The following ADAMTSL1 variants were observed in gnomAD, a reference collection of about 807,000 sequenced individuals.
ADAMTSL1 encodes the protein ADAMTS-like protein 1.
A neutral mutation model predicts 201.8 loss-of-function variants in ADAMTSL1; 126 were observed. That is an observed-to-expected ratio of 0.62 (90% CI 0.54 to 0.72). The LOEUF is 0.72. Among genes scored for constraint, ADAMTSL1 ranks in the 30% least tolerant of loss-of-function variants. The pLI, the probability that ADAMTSL1 is intolerant of heterozygous loss-of-function variation, is 0.00. For missense variants in ADAMTSL1, 2,679 were observed against 2,277.8 expected (o/e 1.18, Z -3.59); for synonymous variants, 1,121 against 903.4 (o/e 1.24, Z -4.32).
upstream of ADAMTSL1, among the ~76,000 whole-genome samples, chr9:18,473,262 T>C (rs1482159714): frequency 6.6e-6 from 1 of 152,192 alleles, no homozygotes; most frequent in Non-Finnish European, 1.5e-5. Context: ...AATTCATCCT[T>C]TCTTTCTCTC....
At chr9:17,976,520 T>A (rs181879027) in intron 1 of ADAMTSL1, among the ~76,000 whole-genome samples, 1 of 152,232 alleles carries the variant, frequency 6.6e-6, no homozygotes. Flanking sequence ...AAAACAATTT[T>A]TTTTTATTCT....
intron 19 of ADAMTSL1, among the ~76,000 whole-genome samples, chr9:18,784,089 A>C (rs757512940): frequency 3.9e-5 from 6 of 152,218 alleles, no homozygotes; most frequent in Non-Finnish European, 7.3e-5. Flanking sequence ...GCTCTTCAGC[A>C]GTACACAAAT....
intron 1 of ADAMTSL1, among the ~76,000 whole-genome samples, chr9:17,964,508 C>G (rs1218280759): frequency 6.6e-6 from 1 of 152,144 alleles, no homozygotes; most frequent in Non-Finnish European, 1.5e-5. Context: ...CAAAACTCTT[C>G]TGTGTCTCGA....
At chr9:18,308,610 C>T (rs899023133) in intron 2 of ADAMTSL1, among the ~76,000 whole-genome samples, 1 of 149,270 alleles carries the variant, frequency 6.7e-6, no homozygotes, top group Non-Finnish European at 1.5e-5. Context: ...CATTCCTGGA[C>T]ACACACCTTC....
intron 3 of ADAMTSL1, among the ~76,000 whole-genome samples, chr9:18,538,691 C>T (rs1393607405): frequency 3.3e-5 from 5 of 152,258 alleles, no homozygotes; most frequent in African/African-American, 4.8e-5. Context: ...TGGTGATTCT[C>T]GTTGAGGTTG....
intron 1 of ADAMTSL1, among the ~76,000 whole-genome samples, chr9:18,138,425 C>T (rs1328002508): frequency 3.3e-5 from 5 of 152,026 alleles, no homozygotes; most frequent in South Asian, 2.1e-4. Flanking sequence ...TAGGGAGTAA[C>T]GAACTTGAGG....
intron 26 of ADAMTSL1, among the ~76,000 whole-genome samples, chr9:18,901,702 A>G (rs1452132050): frequency 6.6e-6 from 1 of 152,182 alleles, no homozygotes; most frequent in Non-Finnish European, 1.5e-5. Context: ...TGTCACTATA[A>G]AAAAACAACT....
At chr9:18,029,606 A>G (rs1439447111) in intron 1 of ADAMTSL1, among the ~76,000 whole-genome samples, 1 of 152,116 alleles carries the variant, frequency 6.6e-6, no homozygotes, top group East Asian at 1.9e-4. Flanking sequence ...CAGAGTGAAC[A>G]GGCAACCTAC....
chr9:18,529,784 C>T (rs555770515), intron 2 of ADAMTSL1, among the ~76,000 whole-genome samples: 33 of 152,096 alleles, frequency 2.2e-4, no homozygotes, highest in African/African-American at 5.3e-4. Context: ...ATTAAAGAAG[C>T]TCTCAAAAAA....
At chr9:18,570,156 C>G (rs550771491) in intron 3 of ADAMTSL1, among the ~76,000 whole-genome samples, 10 of 151,804 alleles carry the variant, frequency 6.6e-5, no homozygotes, top group African/African-American at 2.4e-4. Context: ...TCCAAGGGTT[C>G]CAGACCTGTC....
At chr9:18,610,914 G>T (rs1053290769) in intron 4 of ADAMTSL1, among the ~76,000 whole-genome samples, 12 of 152,062 alleles carry the variant, frequency 7.9e-5, no homozygotes, top group African/African-American at 2.9e-4. Context: ...GACCATATCT[G>T]GAATTTAAAA....
chr9:18,214,333 T>C (rs1340207673), intron 2 of ADAMTSL1, among the ~76,000 whole-genome samples: 1 of 152,220 alleles, frequency 6.6e-6, no homozygotes, highest in Non-Finnish European at 1.5e-5. Flanking sequence ...TATTTGAAGT[T>C]ATGTAGTGTG....
chr9:18,218,190 A>G (rs992377156), intron 2 of ADAMTSL1, among the ~76,000 whole-genome samples: 1 of 152,230 alleles, frequency 6.6e-6, no homozygotes, highest in Non-Finnish European at 1.5e-5. Context: ...GAAGATCCAA[A>G]TATTGTAAAT....
At chr9:18,261,329 A>C (rs1831915223) in intron 2 of ADAMTSL1, among the ~76,000 whole-genome samples, 1 of 152,192 alleles carries the variant, frequency 6.6e-6, no homozygotes, top group Non-Finnish European at 1.5e-5. Context: ...CCGTTTGCAC[A>C]GCATCTGAGG....
chr9:17,927,761 C>A (rs772412521), intron 1 of ADAMTSL1, among the ~76,000 whole-genome samples: 1 of 151,954 alleles, frequency 6.6e-6, no homozygotes, highest in African/African-American at 2.4e-5. Flanking sequence ...GCCAATATTA[C>A]ACAATATAAG....
At position 17,970,168 on chromosome 9, in the gene ADAMTSL1, T is replaced by C. The variant is rs141615362; in HGVS notation, c.87+63246T>C. Among the ~76,000 whole-genome samples the C allele has an allele frequency of 8.8e-3, 1,343 of 152,122 alleles. 10 individuals are homozygous for C. Among genetic ancestry groups the C allele is most frequent in the South Asian group, 0.018 (88 of 4,818 alleles). On this transcript the variant is annotated intron_variant, in intron 1 of 29. Transcript: ENST00000680146. ...GTTCCCATTCTAGACCATCAGTATT[T>C]CTTATTTCAAATAATGTTCTACCAT...
intron 3 of ADAMTSL1, among the ~76,000 whole-genome samples, chr9:18,547,628 AT>A (rs761494207): frequency 5.3e-5 from 6 of 114,114 alleles, no homozygotes; most frequent in East Asian, 5.3e-4. Flanking sequence ...GGCTGTATAT[AT>A]ATATAAAAAA....
chr9:18,464,249 C>A (rs1820917035), intron 2 of ADAMTSL1, among the ~76,000 whole-genome samples: 2 of 152,208 alleles, frequency 1.3e-5, no homozygotes, highest in Non-Finnish European at 1.5e-5. Flanking sequence ...ATTGTCATGT[C>A]ATGACTCAGG....
intron 19 of ADAMTSL1, among the ~76,000 whole-genome samples, chr9:18,791,642 A>G (rs1000724147): frequency 1.3e-5 from 2 of 152,260 alleles, no homozygotes; most frequent in African/African-American, 2.4e-5. Flanking sequence ...TGACTTTTAT[A>G]AGTATACACA....
Sources: gnomAD v4.1 joint callset for allele counts (sites outside exome capture counted in the v4.1 genomes callset) on GRCh38, gnomAD v4.1.1 for gene constraint, MANE v1.5 for transcripts, NCBI Gene and HGNC (gene_info 2026-07-23, HGNC 2026-07-21) for gene names.